The following SEL1L2 variants were observed in gnomAD, a reference collection of about 807,000 sequenced individuals.
SEL1L2 encodes the protein protein sel-1 homolog 2.
Under a neutral mutation model 98.8 loss-of-function variants are expected in SEL1L2, and 89 were observed. The ratio of observed to expected loss-of-function variants is 0.90; its 90% CI spans 0.76 to 1.07. The LOEUF is 1.07. Ranked by LOEUF, SEL1L2 falls within the 50% of genes least tolerant of loss-of-function variation. The pLI is 0.00. For synonymous variants in SEL1L2, 262 were observed against 278.5 expected, an observed-to-expected ratio of 0.94 and a Z score of 0.59; for missense variants, 788 against 812.0, an observed-to-expected ratio of 0.97 and a Z score of 0.36.
At chr20:13,965,306 A>G (rs144863034) in intron 1 of SEL1L2, among the ~76,000 whole-genome samples, 1 of 152,230 alleles carries the variant, frequency 6.6e-6, no homozygotes, top group African/African-American at 2.4e-5. Flanking sequence ...GGATGATTCT[A>G]AAACCTGGGA....
chr20:13,971,110 C>A (rs1010493841), intron 1 of SEL1L2, among the ~76,000 whole-genome samples: 5 of 151,542 alleles, frequency 3.3e-5, no homozygotes, highest in African/African-American at 9.7e-5. Flanking sequence ...GTCATTTGCC[C>A]ATTTTTCTAT....
rs3042764 is a variant in SEL1L2 at position 13,939,665 on chromosome 20, C to CTTTTTTTTTT, written c.115-7904_115-7895dup. 3.5e-3 allele frequency among the ~76,000 whole-genome samples: 479 copies of CTTTTTTTTTT among 138,290 alleles called. 7 individuals carry two copies. The highest frequency in any genetic ancestry group is 5.9e-3 in the African/African-American group (203 of 34,674). The allele number at this position is 138,290 out of a possible 152,430, so 90.7% of individuals were successfully genotyped here. A position where few individuals can be genotyped will look rare whatever the true frequency, so the allele number is the denominator to read the frequency against. On this transcript the variant is annotated intron_variant, in intron 2 of 19. Coordinates refer to ENST00000284951, the MANE Select transcript of SEL1L2 (RefSeq NM_025229.2). ...AGTCATGGAATGAAACACCCTTATTCTTTTTTTTTTTTTTTTTTGAGACAG... is the reference window on the plus strand; with the variant it reads ...AGTCATGGAATGAAACACCCTTATTCTTTTTTTTTTTTTTTTTTTTTTTTTTTTGAGACAG...
chr20:13,947,420 G>A (rs1196926749), intron 2 of SEL1L2, among the ~76,000 whole-genome samples: 1 of 152,090 alleles, frequency 6.6e-6, no homozygotes, highest in Non-Finnish European at 1.5e-5. Flanking sequence ...TGTTCATCAG[G>A]ACCACCTGCC....
chr20:13,862,846 C>G (rs1418351080), intron 17 of SEL1L2, among the ~76,000 whole-genome samples: 1 of 151,990 alleles, frequency 6.6e-6, no homozygotes, highest in Non-Finnish European at 1.5e-5. Flanking sequence ...CACCACCACA[C>G]CCAACTAATT....
intron 2 of SEL1L2, among the ~76,000 whole-genome samples, chr20:13,954,319 T>C (rs1050459982): frequency 1.3e-5 from 2 of 152,144 alleles, no homozygotes; most frequent in Admixed American, 6.5e-5. Context: ...CAAGGAGTCA[T>C]GTAACACTAT....
At chr20:13,934,956 C>A (rs1352397281) in intron 2 of SEL1L2, among the ~76,000 whole-genome samples, 1 of 152,062 alleles carries the variant, frequency 6.6e-6, no homozygotes, top group Non-Finnish European at 1.5e-5. Flanking sequence ...TGATAAGCAT[C>A]CTGCACTCTC....
chr20:13,983,371 G>A (rs1236317144), intron 1 of SEL1L2, among the ~76,000 whole-genome samples: 2 of 152,076 alleles, frequency 1.3e-5, no homozygotes, highest in Non-Finnish European at 2.9e-5. Context: ...CTTGCAAGGT[G>A]TATCTGAATG....
chr20:13,904,734 C>T (rs2047843612), intron 5 of SEL1L2, among the ~76,000 whole-genome samples: 1 of 151,986 alleles, frequency 6.6e-6, no homozygotes, highest in Non-Finnish European at 1.5e-5. Context: ...ATATCTTCTG[C>T]CAATATTAGA....
At chr20:13,959,379 T>G (rs1352987953) in intron 1 of SEL1L2, among the ~76,000 whole-genome samples, 1 of 152,048 alleles carries the variant, frequency 6.6e-6, no homozygotes, top group Non-Finnish European at 1.5e-5. Context: ...GCCGGTCTCA[T>G]CCACTACAGC....
chr20:13,931,605 T>G lies in SEL1L2; in HGVS notation c.281A>C (p.His94Pro). The G allele has an allele frequency of 7.3e-7, 1 of 1,367,328 alleles. No homozygotes were observed. The highest frequency in any genetic ancestry group is 1.0e-6 in the Non-Finnish European group (1 of 1,003,750). 84.7% of individuals were successfully genotyped at this position (1,367,328 alleles called of 1,614,324 possible). ...ATGTGAAAAGATATTCTACTTACAA[T>G]GATTCTTATTTCTCTTCAAGATATC... ...NKDILKRNKN[H>P]LQKQAEKNFT... is the part of the protein sequence containing the mutation. The change falls in exon 3 of 20, where the codon CAT (histidine) becomes CCT (proline). Residue 94 changes from histidine (H) to proline (P), a missense_variant and splice_region_variant. By Grantham distance (77) the His-to-Pro change is moderately conservative. Transcript: ENST00000284951.
At chr20:13,874,671 C>T (rs2046356063) in intron 12 of SEL1L2, among the ~76,000 whole-genome samples, 1 of 152,154 alleles carries the variant, frequency 6.6e-6, no homozygotes, top group South Asian at 2.1e-4. Context: ...GCAACAATTC[C>T]ATATAAATTA....
At chr20:13,995,291 G>A (rs2052616251), upstream of SEL1L2, 1 of 238,768 alleles carries the variant, frequency 4.2e-6, no homozygotes, top group South Asian at 4.6e-5. This position sits in a 1 kb window ranked among gnomAD's most constrained non-coding sequence, Gnocchi z 4.3. Context: ...TCGCTCCCTG[G>A]CTCCGCCCCC....
chr20:13,897,752 C>T (rs2047481553), intron 5 of SEL1L2, among the ~76,000 whole-genome samples: 1 of 152,096 alleles, frequency 6.6e-6, no homozygotes. Flanking sequence ...GTAATCCCAG[C>T]TACTAGGGAG....
chr20:13,863,739 A>T (rs1424593617), intron 17 of SEL1L2, among the ~76,000 whole-genome samples: 1 of 152,158 alleles, frequency 6.6e-6, no homozygotes, highest in East Asian at 1.9e-4. Flanking sequence ...TGGGAAGCCG[A>T]GGCAGGCAGA....
intron 2 of SEL1L2, among the ~76,000 whole-genome samples, chr20:13,937,832 T>G (rs761222886): frequency 7.2e-5 from 11 of 152,198 alleles, no homozygotes; most frequent in Non-Finnish European, 2.9e-5. Flanking sequence ...ACCTCTTGTT[T>G]CCTTAAAGGA....
intron 1 of SEL1L2, among the ~76,000 whole-genome samples, chr20:13,957,596 G>T (rs1455687569): frequency 6.6e-6 from 1 of 152,146 alleles, no homozygotes; most frequent in Non-Finnish European, 1.5e-5. Flanking sequence ...TAAAAATTAG[G>T]CTGGGTATGG....
intron 10 of SEL1L2, among the ~76,000 whole-genome samples, chr20:13,882,183 C>T (rs1600589495): frequency 6.6e-6 from 1 of 152,056 alleles, no homozygotes; most frequent in Non-Finnish European, 1.5e-5. Context: ...AGATGAGAAG[C>T]GAGGTATGAA....
chr20:13,888,256 A>AC (rs1429748744), intron 6 of SEL1L2, among the ~76,000 whole-genome samples: 1 of 152,190 alleles, frequency 6.6e-6, no homozygotes, highest in African/African-American at 2.4e-5. Flanking sequence ...TATGAAGCAG[A>AC]TATTATCTAT....
At chr20:13,861,409 G>C (rs1990117352) in intron 17 of SEL1L2, among the ~76,000 whole-genome samples, 1 of 151,730 alleles carries the variant, frequency 6.6e-6, no homozygotes, top group African/African-American at 2.4e-5. Context: ...GCCTCCCAAA[G>C]TGCTGGGATT....
Sources: allele counts gnomAD v4.1 joint callset (sites outside exome capture counted in the v4.1 genomes callset), GRCh38; gene constraint gnomAD v4.1.1; non-coding constraint Gnocchi (gnomAD v3.1); transcripts MANE v1.5; gene names NCBI Gene and HGNC (gene_info 2026-07-23, HGNC 2026-07-21).